The following MIB1 variants were observed in gnomAD, a reference collection of about 807,000 sequenced individuals.
MIB1 encodes the protein MIB E3 ubiquitin protein ligase 1, also known as E3 ubiquitin-protein ligase MIB1.
In MIB1, 278 loss-of-function variants were observed where a neutral mutation model predicts 124.5. The observed-to-expected ratio is 2.23, with a 90% CI of 2.02 to 2.47. The LOEUF (loss-of-function observed/expected upper bound fraction) is 2.47, where lower values mean the gene tolerates loss of function less well. MIB1 is among the 30% of genes most tolerant of loss of function. The probability of loss-of-function intolerance (pLI) is 0.00; values close to 1 mark genes in which losing one functional copy is unlikely to be tolerated. For synonymous variants in MIB1, 446 were observed against 429.4 expected (o/e 1.04, Z -0.48); for missense variants, 957 against 1,254.4 (o/e 0.76, Z 3.58).
rs1214920646 is a variant in MIB1, at chr18:21,829,753, CAAATAT to C, written c.1830-8611_1830-8606del. ...TTGATGCTTCTCTTTGGGTTAAATA[CAAATAT>C]GAGTTGAATACAAATTCAAATAGAT... On this transcript the variant is annotated intron_variant, in intron 12 of 20. Transcript: ENST00000261537. Among the ~76,000 whole-genome samples, 4 of 151,944 alleles carry C rather than the reference CAAATAT, an allele frequency of 2.6e-5. No homozygotes were observed. In the East Asian group the frequency reaches 7.7e-4, roughly 29 times the overall value.
chr18:21,839,829 T>C (rs1439029767), intron 13 of MIB1, among the ~76,000 whole-genome samples: 1 of 152,184 alleles, frequency 6.6e-6, no homozygotes, highest in East Asian at 1.9e-4. Context: ...AAAAAGTCTG[T>C]TGGGAGTTTG....
chr18:21,739,002 G>A (rs1327579372), upstream of MIB1, among the ~76,000 whole-genome samples: 1 of 151,732 alleles, frequency 6.6e-6, no homozygotes, highest in Non-Finnish European at 1.5e-5. Flanking sequence ...TCCAGGAGCT[G>A]TTTTTTTGAA....
chr18:21,758,825 G>A (rs977428595), intron 1 of MIB1, among the ~76,000 whole-genome samples: 1 of 152,098 alleles, frequency 6.6e-6, no homozygotes, highest in Admixed American at 6.5e-5. Context: ...GAGCCACCGC[G>A]CCCAGCTGAC....
intron 18 of MIB1, among the ~76,000 whole-genome samples, chr18:21,853,661 T>C (rs1164501558): frequency 6.6e-6 from 1 of 152,194 alleles, no homozygotes; most frequent in African/African-American, 2.4e-5. Context: ...TTTCTGGCCT[T>C]CTGTAAGCTT....
intron 12 of MIB1, chr18:21,827,539 T>C (rs2041936908): frequency 6.6e-6 from 1 of 152,064 alleles, no homozygotes; most frequent in African/African-American, 2.4e-5. Context: ...TTTTGAGGTA[T>C]ATATTTTGAG....
At position 21,865,911 on chromosome 18, in the gene MIB1, C is replaced by CAAACAAAAA. The variant is rs1361931417; in HGVS notation, c.*1253_*1254insAAAACAAAA. 9 of 152,010 alleles carry CAAACAAAAA rather than the reference C, an allele frequency of 5.9e-5. No individual in the cohort carries two copies. Among genetic ancestry groups the CAAACAAAAA allele is most frequent in the Admixed American group, 2.6e-4 (4 of 15,250 alleles). The allele number at this position is 152,010 out of a possible 1,614,324, so 9.4% of individuals were successfully genotyped here. A position where few individuals can be genotyped will look rare whatever the true frequency, so the allele number is the denominator to read the frequency against. Reference sequence around the variant, plus strand: ...TCTGCTTACCTGTAGACTTTAAAAACAAACAAAATTTTTGGAGCATTTAAT... The same window carrying CAAACAAAAA: ...TCTGCTTACCTGTAGACTTTAAAAACAAACAAAAAAAACAAAATTTTTGGAGCATTTAAT... On this transcript the variant is annotated 3_prime_UTR_variant, in exon 21 of 21. Coordinates refer to ENST00000261537, the MANE Select transcript of MIB1 (RefSeq NM_020774.4).
In MIB1 at chr18:21,791,483, C is replaced by T; in HGVS notation, c.1018C>T (p.Gln340Ter). Reference protein sequence around the residue: ...TSQFQVGDLVQVCYDLERIKL... With the variant: ...TSQFQVGDLV ...GCAGTTTCAAGTGGGTGATCTTGTA[C>T]AAGTTTGTTATGACCTGGAACGAAT... Residue 340 changes from glutamine to a stop codon, truncating the protein, a stop_gained, in exon 7 of 21, where the codon CAA becomes TAA. Coordinates refer to ENST00000261537, the MANE Select transcript of MIB1 (RefSeq NM_020774.4). LOFTEE classifies it high-confidence loss of function. 2 of 1,614,016 alleles carry T rather than the reference C, an allele frequency of 1.2e-6. No homozygotes were observed. The highest frequency in any genetic ancestry group is 1.7e-6 in the Non-Finnish European group (2 of 1,179,928).
chr18:21,713,604 T>C (rs8088138), intron 1 of MIB1, among the ~76,000 whole-genome samples: 130,383 of 130,478 alleles, frequency 1, 65,144 homozygotes, highest in Middle Eastern at 1. Context: ...CAGAGCAAGA[T>C]TCTGTCTCAA....
intron 20 of MIB1, among the ~76,000 whole-genome samples, chr18:21,863,873 G>A (rs1210450049): frequency 6.6e-6 from 1 of 152,000 alleles, no homozygotes; most frequent in Non-Finnish European, 1.5e-5. Context: ...GGGTGTGGTG[G>A]TGCGCACCTG....
chr18:21,719,440 C>G (rs987859712), intron 1 of MIB1, among the ~76,000 whole-genome samples: 3 of 151,896 alleles, frequency 2.0e-5, no homozygotes, highest in Non-Finnish European at 4.4e-5. Flanking sequence ...ATCTCAGAAA[C>G]AGAGTTTAAA....
intron 1 of MIB1, 61 bp from the exon 2 acceptor site, chr18:21,765,711 G>A: frequency 6.7e-7 from 1 of 1,501,272 alleles, no homozygotes; most frequent in African/African-American, 1.4e-5. Context: ...TTCCCCCAAG[G>A]AATAATATTC....
chr18:21,776,721 C>A (rs1216009026), intron 4 of MIB1, among the ~76,000 whole-genome samples: 1 of 152,210 alleles, frequency 6.6e-6, no homozygotes, highest in Non-Finnish European at 1.5e-5. Context: ...CAGTGGCTCA[C>A]GCTTGTAATC....
intron 12 of MIB1, among the ~76,000 whole-genome samples, chr18:21,820,746 A>G (rs1277960729): frequency 6.6e-6 from 1 of 152,160 alleles, no homozygotes; most frequent in Non-Finnish European, 1.5e-5. Flanking sequence ...AATCCTTTCA[A>G]CAGCTTTTTG....
At chr18:21,808,109 C>T (rs993446268) in intron 10 of MIB1, among the ~76,000 whole-genome samples, 4 of 152,154 alleles carry the variant, frequency 2.6e-5, no homozygotes, top group African/African-American at 4.8e-5. Context: ...AACTTTATTA[C>T]ACCTAAAAAT....
intron 1 of MIB1, among the ~76,000 whole-genome samples, chr18:21,757,697 G>A (rs1020009523): frequency 1.3e-5 from 2 of 151,022 alleles, no homozygotes; most frequent in African/African-American, 4.9e-5. Context: ...TGTTGACCAG[G>A]CTAGTCTCAA....
At chr18:21,776,726 G>A (rs974094416) in intron 4 of MIB1, among the ~76,000 whole-genome samples, 4 of 152,218 alleles carry the variant, frequency 2.6e-5, no homozygotes, top group African/African-American at 9.6e-5. Flanking sequence ...GCTCACGCTT[G>A]TAATCCCAGC....
chr18:21,777,290 A>G (rs529260261), intron 4 of MIB1, among the ~76,000 whole-genome samples: 25 of 151,542 alleles, frequency 1.6e-4, no homozygotes, highest in Non-Finnish European at 3.7e-4. Flanking sequence ...GTGGTGGTGC[A>G]TGCCTGTAAT....
At position 21,801,216 on chromosome 18, in the gene MIB1, CT is replaced by C. The variant is rs561240630; in HGVS notation, c.1371+1244del. On this transcript the variant is annotated intron_variant, in intron 9 of 20. Coordinates refer to ENST00000261537, the MANE Select transcript of MIB1 (RefSeq NM_020774.4). Reference sequence around the variant, plus strand: ...CTGTTATAATGTCTTAATTTTCTTTCTTCCTTTCCTTTACCTTTTCCTTTCC... The same window carrying C: ...CTGTTATAATGTCTTAATTTTCTTTCTCCTTTCCTTTACCTTTTCCTTTCC... Among the ~76,000 whole-genome samples, 619 of 152,090 alleles carry C rather than the reference CT, an allele frequency of 4.1e-3. 9 individuals are homozygous for C. The highest frequency in any genetic ancestry group is 3.1e-3 in the Non-Finnish European group (210 of 67,970).
intron 12 of MIB1, chr18:21,827,746 G>A (rs906739888): frequency 6.6e-6 from 1 of 151,996 alleles, no homozygotes; most frequent in Non-Finnish European, 1.5e-5. Context: ...ATGATGCCAT[G>A]TGTAAGTCAT....
Sources: gnomAD v4.1 joint callset for allele counts (sites outside exome capture counted in the v4.1 genomes callset) on GRCh38, gnomAD v4.1.1 for gene constraint, MANE v1.5 for transcripts, NCBI Gene and HGNC (gene_info 2026-07-23, HGNC 2026-07-21) for gene names.